The following LAMTOR3 variants were observed in gnomAD, a reference collection of about 807,000 sequenced individuals.
The protein encoded by LAMTOR3 is late endosomal/lysosomal adaptor, MAPK and MTOR activator 3.
Under a neutral mutation model 20.3 loss-of-function variants are expected in LAMTOR3, and 14 were observed. That is an observed-to-expected ratio of 0.69 (90% CI 0.46 to 1.08). The LOEUF (loss-of-function observed/expected upper bound fraction) is 1.08, where lower values mean the gene tolerates loss of function less well. Ranked by LOEUF, LAMTOR3 falls within the 50% of genes least tolerant of loss-of-function variation. The pLI is 0.00. For synonymous variants in LAMTOR3, 40 were observed against 49.4 expected (o/e 0.81, Z 0.80); for missense variants, 125 against 143.7 (o/e 0.87, Z 0.67).
At position 99,881,589 on chromosome 4, in the gene LAMTOR3, A is replaced by G. The variant is rs148972953; in HGVS notation, c.*405T>C. 1,461 of 160,422 alleles carry G rather than the reference A, an allele frequency of 9.1e-3. 7 individuals are homozygous for G. Among genetic ancestry groups the G allele is most frequent in the South Asian group, 0.017 (90 of 5,360 alleles). 9.9% of individuals were successfully genotyped at this position (160,422 alleles called of 1,614,324 possible). ...ATCTGAAGAAAAATATGTCCTTATT[A>G]TTATTCACAATAAAAAGTTGGCTTT... is the stretch of plus-strand genomic sequence containing the variant. On this transcript the variant is annotated 3_prime_UTR_variant, in exon 7 of 7. Coordinates refer to ENST00000499666, the MANE Select transcript of LAMTOR3 (RefSeq NM_021970.4).
chr4:99,885,195 G>GT (rs908215008), intron 5 of LAMTOR3, among the ~76,000 whole-genome samples: 3 of 151,852 alleles, frequency 2.0e-5, no homozygotes, highest in Non-Finnish European at 4.4e-5. Flanking sequence ...TTCAAGGAAA[G>GT]TTTTTTTTAT....
intron 4 of LAMTOR3, among the ~76,000 whole-genome samples, chr4:99,885,986 T>A (rs963646810): frequency 2.0e-5 from 3 of 152,218 alleles, no homozygotes; most frequent in Non-Finnish European, 4.4e-5. Flanking sequence ...TAACTGGTTA[T>A]CTGAGGACTA....
At chr4:99,888,138 GGGTTCCA>G in intron 3 of LAMTOR3, among the ~76,000 whole-genome samples, 1 of 152,168 alleles carries the variant, frequency 6.6e-6, no homozygotes, top group East Asian at 1.9e-4. Context: ...AGAAAGATCT[GGGTTCCA>G]GTCCAGGCTC....
chr4:99,883,756 T>C (rs948082025), intron 6 of LAMTOR3, among the ~76,000 whole-genome samples: 1 of 145,740 alleles, frequency 6.9e-6, no homozygotes, highest in African/African-American at 2.5e-5. Context: ...AGCACTCAGA[T>C]AACATTTAAT....
chr4:99,892,625 T>A (rs1180855640), intron 2 of LAMTOR3, among the ~76,000 whole-genome samples: 4 of 152,036 alleles, frequency 2.6e-5, no homozygotes, highest in African/African-American at 4.8e-5. Flanking sequence ...ACGTAATTTT[T>A]AAAATATTTT....
chr4:99,882,142 TCCA>T, intron 6 of LAMTOR3, 75 bp from the exon 7 acceptor site: 1 of 841,378 alleles, frequency 1.2e-6, no homozygotes, highest in Non-Finnish European at 1.9e-6. Flanking sequence ...TTTCCTTATG[TCCA>T]AAATACATAG....
At chr4:99,889,705 A>G (rs1181082477) in intron 3 of LAMTOR3, among the ~76,000 whole-genome samples, 1 of 152,156 alleles carries the variant, frequency 6.6e-6, no homozygotes, top group African/African-American at 2.4e-5. Context: ...TTCTCACTCT[A>G]TGTTCTTCAG....
At chr4:99,887,227 C>T in intron 4 of LAMTOR3, 69 bp downstream of exon 4, 1 of 993,040 alleles carries the variant, frequency 1.0e-6, no homozygotes, top group Non-Finnish European at 1.5e-6. Flanking sequence ...CTGTACTACT[C>T]AGATGTAAAT....
rs1724765444 is a variant in LAMTOR3, at chr4:99,878,957, C to T, written c.*3037G>A. On this transcript the variant is annotated 3_prime_UTR_variant, in exon 7 of 7. Coordinates refer to ENST00000499666, the MANE Select transcript of LAMTOR3 (RefSeq NM_021970.4). ...ATATACTTGTAAATACATACTTTTG[C>T]ACATCTATGTGCTTTGTTTGGTAGG... 1 of 152,150 alleles carries T rather than the reference C, an allele frequency of 6.6e-6. No individual in the cohort carries two copies. Among genetic ancestry groups the T allele is most frequent in the South Asian group, 2.1e-4 (1 of 4,832 alleles). The allele number at this position is 152,150 out of a possible 1,614,324, so 9.4% of individuals were successfully genotyped here.
At chr4:99,888,305 C>A (rs998897309) in intron 3 of LAMTOR3, among the ~76,000 whole-genome samples, 4 of 152,118 alleles carry the variant, frequency 2.6e-5, no homozygotes, top group African/African-American at 4.8e-5. Context: ...GCACATAATT[C>A]AAAAATATCA....
chr4:99,883,907 CTTT>C (rs1428209885), intron 6 of LAMTOR3, among the ~76,000 whole-genome samples, 152 bp downstream of exon 6: 2 of 151,982 alleles, frequency 1.3e-5, no homozygotes, highest in Non-Finnish European at 2.9e-5. Context: ...AGAGAAATCA[CTTT>C]TCCCAAGACA....
chr4:99,894,062 C>T, intron 1 of LAMTOR3, 62 bp from the exon 2 acceptor site: 1 of 1,096,738 alleles, frequency 9.1e-7, no homozygotes, highest in Non-Finnish European at 1.3e-6. Flanking sequence ...CCACCCACAA[C>T]TTAATACGCG....
chr4:99,883,218 G>A (rs1330879651), intron 6 of LAMTOR3, among the ~76,000 whole-genome samples: 1 of 151,950 alleles, frequency 6.6e-6, no homozygotes, highest in East Asian at 1.9e-4. Flanking sequence ...TGAAATGGAA[G>A]AGATCTAATA....
At chr4:99,890,385 G>A (rs1034660635) in intron 3 of LAMTOR3, among the ~76,000 whole-genome samples, 2 of 152,162 alleles carry the variant, frequency 1.3e-5, no homozygotes, top group Non-Finnish European at 2.9e-5. Context: ...ATTAGTATCC[G>A]TAGCTGGCTG....
chr4:99,882,012 T>C lies in LAMTOR3; in HGVS notation c.357A>G (p.Gln119=). Residue 119 remains glutamine, a synonymous_variant, in exon 7 of 7, where the codon CAA becomes CAG. Transcript: ENST00000499666. ...TGTCAGATTAAGAAACTTCCACAACTTGTCTCAGTTCTTCAAACAATGGAG... is the reference window on the plus strand; with the variant it reads ...TGTCAGATTAAGAAACTTCCACAACCTGTCTCAGTTCTTCAAACAATGGAG... ...ELAPLFEELR[Q]VVEVS 6.2e-7 allele frequency: 1 copy of C among 1,603,784 alleles called. No homozygotes were observed. The highest frequency in any genetic ancestry group is 2.3e-5 in the East Asian group (1 of 44,248).
intron 3 of LAMTOR3, among the ~76,000 whole-genome samples, chr4:99,888,657 A>G (rs942695131): frequency 5.3e-5 from 8 of 152,236 alleles, no homozygotes; most frequent in African/African-American, 1.9e-4. Context: ...AGAAATACTT[A>G]TATTAACCTA....
chr4:99,886,881 TAA>T (rs1724935152), intron 4 of LAMTOR3, among the ~76,000 whole-genome samples: 1 of 145,826 alleles, frequency 6.9e-6, no homozygotes, highest in Non-Finnish European at 1.5e-5. Flanking sequence ...GGTATTATCC[TAA>T]AACAACTAGC....
intron 3 of LAMTOR3, among the ~76,000 whole-genome samples, chr4:99,887,876 G>A (rs528130939): frequency 6.6e-6 from 1 of 152,308 alleles, no homozygotes; most frequent in East Asian, 1.9e-4. Context: ...GGCAAGTGTT[G>A]TTAAAAAGTT....
Position 99,887,335 on chromosome 4 carries a change from T to C in LAMTOR3, c.64A>G (p.Ile22Val), listed in dbSNP as rs780975857. ...ACTCCATCTCTATCTGACACAACAA[T>C]GGCATGGAGCCCTTCAACACTAGAA... is the stretch of plus-strand genomic sequence containing the variant. ...KLPSVEGLHA[I>V]VVSDRDGVPV... The change falls in exon 4 of 7, where the codon ATT becomes GTT. Residue 22 changes from isoleucine to valine, a missense_variant. Ile to Val is a conservative substitution (Grantham distance 29, BLOSUM62 3). Coordinates refer to ENST00000499666, the MANE Select transcript of LAMTOR3 (RefSeq NM_021970.4). 1.3e-6 allele frequency: 2 copies of C among 1,550,682 alleles called. No homozygotes were observed. Among genetic ancestry groups the C allele is most frequent in the Non-Finnish European group, 1.8e-6 (2 of 1,142,246 alleles).
Sources: gnomAD v4.1 joint callset for allele counts (sites outside exome capture counted in the v4.1 genomes callset) on GRCh38, gnomAD v4.1.1 for gene constraint, MANE v1.5 for transcripts, NCBI Gene and HGNC (gene_info 2026-07-23, HGNC 2026-07-21) for gene names.